CDH23: variants seen among roughly 807,000 people sequenced by gnomAD.
The protein encoded by CDH23 is cadherin-23.
In CDH23, 189 loss-of-function variants were observed where a neutral mutation model predicts 317.1. That is an observed-to-expected ratio of 0.60 (90% CI 0.53 to 0.67). The LOEUF (loss-of-function observed/expected upper bound fraction) is 0.67, where lower values mean the gene tolerates loss of function less well. Among genes scored for constraint, CDH23 ranks in the 30% least tolerant of loss-of-function variants. CDH23 has a pLI of 0.00. For synonymous variants in CDH23, 1,839 were observed against 1,876.8 expected, an observed-to-expected ratio of 0.98 and a Z score of 0.52; for missense variants, 4,401 against 4,592.4, an observed-to-expected ratio of 0.96 and a Z score of 1.20.
intron 6 of CDH23, among the ~76,000 whole-genome samples, chr10:71,563,158 G>A (rs377321761): frequency 4.6e-5 from 7 of 152,052 alleles, no homozygotes; most frequent in African/African-American, 1.4e-4. Flanking sequence ...TCCACTCTTC[G>A]ACTCTGTCAT....
chr10:71,668,675 A>G (rs1016339231), intron 14 of CDH23, among the ~76,000 whole-genome samples: 2 of 152,196 alleles, frequency 1.3e-5, no homozygotes, highest in African/African-American at 4.8e-5. Flanking sequence ...CACATAGTTA[A>G]GTGCTCAAAA....
chr10:71,716,177 A>G (rs1866221742), intron 28 of CDH23: 3 of 1,551,094 alleles, frequency 1.9e-6, no homozygotes, highest in East Asian at 2.4e-5. Flanking sequence ...CGTCATGAAC[A>G]GCAGACAGGT....
At position 71,665,375 on chromosome 10, in the gene CDH23, G is replaced by A. The variant is rs76938338; in HGVS notation, c.1450-9737G>A. ...GTGACTGCCTTAACTGCCTCATCTC[G>A]GAGCCTCTGTTCCTGCCCTGGAGTT... On this transcript the variant is annotated intron_variant, in intron 14 of 69. Coordinates refer to ENST00000224721, the MANE Select transcript of CDH23 (RefSeq NM_022124.6). 6.3e-3 allele frequency among the ~76,000 whole-genome samples: 954 copies of A among 152,274 alleles called. 9 individuals carry two copies. Among genetic ancestry groups the A allele is most frequent in the African/African-American group, 0.021 (882 of 41,560 alleles).
chr10:71,693,819 A>G (rs1865272921), intron 20 of CDH23, among the ~76,000 whole-genome samples: 2 of 152,188 alleles, frequency 1.3e-5, no homozygotes, highest in African/African-American at 4.8e-5. Flanking sequence ...TCTGTGACTG[A>G]GCTTAAGGCC....
chr10:71,617,344 A>G lies in CDH23; in HGVS notation c.1085A>G (p.Gln362Arg), dbSNP rs538034348. The change falls in exon 11 of 70, where the codon CAG becomes CGG. Residue 362 changes from glutamine (Q) to arginine (R), a missense_variant. Coordinates refer to ENST00000224721, the MANE Select transcript of CDH23 (RefSeq NM_022124.6). ...AGCGTGGCCATCACTGAGCTGGCAC[A>G]GGTCGGCTTTGCCCTTCCACTCTTC... ...EYSVAITELA[Q>R]VGFALPLFIQ... 2.3e-5 allele frequency: 37 copies of G among 1,613,976 alleles called. No homozygotes were observed. In the South Asian group the frequency reaches 3.8e-4, roughly 17 times the overall value.
intron 8 of CDH23, among the ~76,000 whole-genome samples, chr10:71,571,858 A>G (rs1158531851): frequency 6.6e-6 from 1 of 152,244 alleles, no homozygotes. Context: ...GTGAGCGTTC[A>G]GGGCCCCACC....
chr10:71,599,304 C>T (rs1246582512), intron 9 of CDH23, among the ~76,000 whole-genome samples: 2 of 152,076 alleles, frequency 1.3e-5, no homozygotes, highest in East Asian at 3.9e-4. Context: ...GTTCTGTGAG[C>T]GCTGAGCAGA....
At chr10:71,604,654 C>G (rs1323553395) in intron 9 of CDH23, among the ~76,000 whole-genome samples, 1 of 152,250 alleles carries the variant, frequency 6.6e-6, no homozygotes, top group Non-Finnish European at 1.5e-5. Context: ...CCACCTCCAC[C>G]CTTTTGCTCA....
At chr10:71,585,315 G>A (rs896732156) in intron 9 of CDH23, among the ~76,000 whole-genome samples, 1 of 152,292 alleles carries the variant, frequency 6.6e-6, no homozygotes, top group South Asian at 2.1e-4. Flanking sequence ...ATCTGTGAAT[G>A]CCACCCTAGA....
At chr10:71,662,303 G>A (rs890776995) in intron 14 of CDH23, among the ~76,000 whole-genome samples, 6 of 152,142 alleles carry the variant, frequency 3.9e-5, no homozygotes, top group South Asian at 4.1e-4. Context: ...AGTGACAGGC[G>A]TGGGGGGTGT....
At chr10:71,428,220 C>A (rs1849203437) in intron 1 of CDH23, among the ~76,000 whole-genome samples, 1 of 150,644 alleles carries the variant, frequency 6.6e-6, no homozygotes, top group South Asian at 2.1e-4. Context: ...TTACTGCAAC[C>A]TCCGCCTCCT....
At chr10:71,795,717 C>A in intron 48 of CDH23, 2 of 234,194 alleles carry the variant, frequency 8.5e-6, no homozygotes, top group Non-Finnish European at 1.4e-5. Context: ...CCTCCCTCCT[C>A]CCACCCCGTC....
At chr10:71,699,570 C>T (rs1298198853) in intron 22 of CDH23, among the ~76,000 whole-genome samples, 1 of 152,216 alleles carries the variant, frequency 6.6e-6, no homozygotes, top group Non-Finnish European at 1.5e-5. Context: ...TCTCTGTCTG[C>T]AAGGGAGATT....
chr10:71,699,763 G>A (rs1865517060), intron 22 of CDH23, among the ~76,000 whole-genome samples: 1 of 152,202 alleles, frequency 6.6e-6, no homozygotes, highest in Non-Finnish European at 1.5e-5. Flanking sequence ...AGGGGAAAGT[G>A]GTGAGATTCT....
chr10:71,788,370 A>G (rs1288409805), intron 44 of CDH23, among the ~76,000 whole-genome samples: 2 of 151,198 alleles, frequency 1.3e-5, no homozygotes, highest in South Asian at 2.1e-4. Flanking sequence ...TGACTTTTTA[A>G]TAATAGCCGT....
Position 71,397,295 on chromosome 10 carries a change from G to GCA in CDH23, c.-29_-28insCA. On this transcript the variant is annotated 5_prime_UTR_variant, in exon 1 of 70. Coordinates refer to ENST00000224721, the MANE Select transcript of CDH23 (RefSeq NM_022124.6). The surrounding 1 kb of genome is among the most constrained non-coding windows in gnomAD (Gnocchi z 4.8). The stretch of plus-strand genomic sequence containing the variant: ...CAGAGCCCGAGGCGAGGCGAGGCGC[G>GCA]GCGCCGCTGCACACACGCACACGGT... The GCA allele has an allele frequency of 5.8e-6, 1 of 172,934 alleles. No homozygotes were observed. Among genetic ancestry groups the GCA allele is most frequent in the Non-Finnish European group, 1.2e-5 (1 of 80,560 alleles). 10.7% of individuals were successfully genotyped at this position (172,934 alleles called of 1,614,324 possible).
At chr10:71,785,292 G>A (rs140561816) in intron 43 of CDH23, among the ~76,000 whole-genome samples, 192 bp downstream of exon 43, 144 of 152,362 alleles carry the variant, frequency 9.5e-4, no homozygotes, top group Non-Finnish European at 1.5e-3. Context: ...TCCACCTAGA[G>A]CCAGCCCTGA....
chr10:71,723,738 C>T (rs1000350229), intron 28 of CDH23, among the ~76,000 whole-genome samples: 5 of 152,216 alleles, frequency 3.3e-5, no homozygotes, highest in Admixed American at 2.0e-4. Context: ...CCTGAGAAAG[C>T]CTGGACCCAG....
intron 3 of CDH23, among the ~76,000 whole-genome samples, chr10:71,447,612 A>T (rs1850235656): frequency 6.6e-6 from 1 of 152,018 alleles, no homozygotes; most frequent in African/African-American, 2.4e-5. Flanking sequence ...TCAGTGTTGT[A>T]AGGCTAGATT....
Sources: gnomAD v4.1 joint callset for allele counts (sites outside exome capture counted in the v4.1 genomes callset) on GRCh38, gnomAD v4.1.1 for gene constraint, Gnocchi (gnomAD v3.1) non-coding constraint, MANE v1.5 for transcripts, NCBI Gene and HGNC (gene_info 2026-07-23, HGNC 2026-07-21) for gene names.